The following FOXN4 variants were observed in gnomAD, a reference collection of about 807,000 sequenced individuals.
The protein encoded by FOXN4 is forkhead box N4.
In FOXN4, 12 loss-of-function variants were observed where a neutral mutation model predicts 45.0. That is an observed-to-expected ratio of 0.27 (90% confidence interval 0.17 to 0.43). The LOEUF is 0.43. FOXN4 is among the 20% of genes least tolerant of loss of function. The pLI is 1.00. For synonymous variants in FOXN4, 297 were observed against 295.0 expected, an observed-to-expected ratio of 1.01 and a Z score of -0.07; for missense variants, 560 against 694.9, an observed-to-expected ratio of 0.81 and a Z score of 2.18.
Position 109,281,651 on chromosome 12 carries a change from T to C in FOXN4, c.1050A>G (p.Pro350=). Residue 350 remains proline, a synonymous_variant, in exon 9 of 10, where the codon CCA becomes CCG. Transcript: ENST00000299162. The part of the protein sequence containing the change: ...CLAVSQLPPQ[P]LMTLSLQSVP... ...CTGACTGCAGGGACAGGGTCATCAG[T>C]GGCTGGGGTGGGAGCTGGGAGACAG... 6.2e-7 allele frequency: 1 copy of C among 1,610,524 alleles called. No individual in the cohort carries two copies. Among genetic ancestry groups the C allele is most frequent in the Non-Finnish European group, 8.5e-7 (1 of 1,178,658 alleles).
intron 2 of FOXN4, among the ~76,000 whole-genome samples, chr12:109,298,482 C>A (rs938747593): frequency 6.6e-6 from 1 of 152,010 alleles, no homozygotes; most frequent in Non-Finnish European, 1.5e-5. Flanking sequence ...CTGTCTCAGC[C>A]GCCTGAGTAG....
At position 109,290,232 on chromosome 12, in the gene FOXN4, CG is replaced by C; in HGVS notation, c.140del (p.Ser47CysfsTer67). The C allele has an allele frequency of 6.4e-7, 1 of 1,551,482 alleles. No homozygotes were observed. ...DDLPGDLQSL[S>X]WLTAVDVPRL... Reference sequence around the variant, plus strand: ...GAGGCACATCCACCGCCGTGAGCCACGACAGCGACTGCAGGTCCCCGGGAAG... The same window carrying C: ...GAGGCACATCCACCGCCGTGAGCCACACAGCGACTGCAGGTCCCCGGGAAG... On this transcript the variant is annotated frameshift_variant, in exon 3 of 10. Transcript: ENST00000299162. LOFTEE classifies it high-confidence loss of function. This position sits in a 1 kb window ranked among gnomAD's most constrained non-coding sequence, Gnocchi z 5.1.
chr12:109,279,472 T>C lies in FOXN4; in HGVS notation c.*199A>G, dbSNP rs1476056609. ...ACTTGGAAGAGCCCCCAGAAACTGCTCCGGAAGCTCCAGGGGGAGGCACGA... is the reference window on the plus strand; with the variant it reads ...ACTTGGAAGAGCCCCCAGAAACTGCCCCGGAAGCTCCAGGGGGAGGCACGA... On this transcript the variant is annotated 3_prime_UTR_variant, in exon 10 of 10. Transcript: ENST00000299162. 4 of 748,344 alleles carry C rather than the reference T, an allele frequency of 5.3e-6. No homozygotes were observed. In the Admixed American group the frequency reaches 8.7e-5, roughly 16 times the overall value. The allele number at this position is 748,344 out of a possible 1,614,324, so 46.4% of individuals were successfully genotyped here.
chr12:109,306,599 C>A (rs1015175924), intron 2 of FOXN4, among the ~76,000 whole-genome samples: 1 of 152,200 alleles, frequency 6.6e-6, no homozygotes, highest in African/African-American at 2.4e-5. Context: ...ATACATATAT[C>A]ATTTAACCCT....
intron 8 of FOXN4, 29 bp downstream of exon 8, chr12:109,285,275 G>A (rs576312456): frequency 2.0e-4 from 277 of 1,392,638 alleles, no homozygotes; most frequent in Non-Finnish European, 1.8e-4. Flanking sequence ...GTGTGTGTGT[G>A]CGCGCACTGC....
intron 2 of FOXN4, among the ~76,000 whole-genome samples, chr12:109,295,089 ATAATAG>A (rs2047804300): frequency 6.6e-6 from 1 of 152,126 alleles, no homozygotes; most frequent in Non-Finnish European, 1.5e-5. Context: ...GATAATAATA[ATAATAG>A]TAATAGCCGC....
chr12:109,309,200 GCCCCTC>G lies in FOXN4; in HGVS notation c.-91_-86del, dbSNP rs1200535255. 1 of 152,286 alleles carries G rather than the reference GCCCCTC, an allele frequency of 6.6e-6. No homozygotes were observed. The highest frequency in any genetic ancestry group is 6.5e-5 in the Admixed American group (1 of 15,290). The allele number at this position is 152,286 out of a possible 1,614,324, so 9.4% of individuals were successfully genotyped here. On this transcript the variant is annotated 5_prime_UTR_variant, in exon 1 of 10. Coordinates refer to ENST00000299162, the MANE Select transcript of FOXN4 (RefSeq NM_213596.3). The surrounding 1 kb of genome is among the most constrained non-coding windows in gnomAD (Gnocchi z 5.0). ...TCCGGAGGGGGGCTCCCTCGCGCTCGCCCCTCGCGTTCCGCAATTTGGCCGCCGTCG... is the reference window on the plus strand; with the variant it reads ...TCCGGAGGGGGGCTCCCTCGCGCTCGGCGTTCCGCAATTTGGCCGCCGTCG...
At position 109,287,506 on chromosome 12, in the gene FOXN4, A is replaced by G; in HGVS notation, c.487T>C (p.Tyr163His). The change falls in exon 6 of 10, where the codon TAT (tyrosine) becomes CAT (histidine). Residue 163 changes from tyrosine (Y) to histidine (H), a missense_variant. Physicochemically the swap from Tyr to His is moderately conservative, Grantham distance 83 (BLOSUM62 2). This residue lies in a region of FOXN4 where 61 missense variants were observed against 59.8 expected (regional missense o/e 1.02). Transcript: ENST00000299162. This position sits in a 1 kb window ranked among gnomAD's most constrained non-coding sequence, Gnocchi z 4.1. ...GAQQCPPVGL[Y>H]GPPFGVRPPY... ...GGCCGCACCCCAAATGGGGGGCCAT[A>G]GAGGCCCACAGGAGGGCACTTCCCA... 6.5e-7 allele frequency: 1 copy of G among 1,543,496 alleles called. No individual in the cohort carries two copies. The highest frequency in any genetic ancestry group is 8.7e-7 in the Non-Finnish European group (1 of 1,143,752).
intron 7 of FOXN4, among the ~76,000 whole-genome samples, chr12:109,286,077 T>C (rs919800788): frequency 5.3e-5 from 8 of 152,174 alleles, no homozygotes; most frequent in Non-Finnish European, 1.0e-4. Context: ...TCACACCACA[T>C]GTGTACATGT....
chr12:109,281,459 C>A lies in FOXN4; in HGVS notation c.1242G>T (p.Met414Ile). Reference sequence around the variant, plus strand: ...GGTCGAGGGCATCCACCTCAGTGTTCATGTCGGTGCTGATGTTGATGAAGT... The same window carrying A: ...GGTCGAGGGCATCCACCTCAGTGTTAATGTCGGTGCTGATGTTGATGAAGT... ...PVDFINISTD[M>I]NTEVDALDPS... The change falls in exon 9 of 10, where the codon ATG becomes ATT. Residue 414 changes from methionine (M) to isoleucine (I), a missense_variant. Coordinates refer to ENST00000299162, the MANE Select transcript of FOXN4 (RefSeq NM_213596.3). 1 of 1,614,022 alleles carries A rather than the reference C, an allele frequency of 6.2e-7. No homozygotes were observed. The highest frequency in any genetic ancestry group is 8.5e-7 in the Non-Finnish European group (1 of 1,179,892).
intron 2 of FOXN4, among the ~76,000 whole-genome samples, chr12:109,298,981 A>C (rs541794044): frequency 1.3e-5 from 2 of 152,250 alleles, no homozygotes; most frequent in South Asian, 4.1e-4. Flanking sequence ...ACAGTTCATC[A>C]ATAATTTATT....
rs1279318465 is a variant in FOXN4 at position 109,304,186 on chromosome 12, G to A, written c.86+4050C>T. On this transcript the variant is annotated intron_variant, in intron 2 of 9. Coordinates refer to ENST00000299162, the MANE Select transcript of FOXN4 (RefSeq NM_213596.3). ...AGCCTGGACGATAGAGCCAGACTCC[G>A]TCAAAAAAAAAAAAAAGAAAGAAAA... Among the ~76,000 whole-genome samples the A allele has an allele frequency of 5.9e-5, 6 of 102,354 alleles. 1 individual carries two copies. Among genetic ancestry groups the A allele is most frequent in the Admixed American group, 1.2e-4 (1 of 8,250 alleles). The allele number at this position is 102,354 out of a possible 152,430, so 67.1% of individuals were successfully genotyped here.
At position 109,288,354 on chromosome 12, in the gene FOXN4, T is replaced by G. The variant is rs148579337; in HGVS notation, c.233-174A>C. On this transcript the variant is annotated intron_variant, in intron 3 of 9. Transcript: ENST00000299162. This position sits in a 1 kb window ranked among gnomAD's most constrained non-coding sequence, Gnocchi z 4.3. The stretch of plus-strand genomic sequence containing the variant: ...TGGTGTGTAGTGAAAAGTAGGTTCT[T>G]ACCAGCTGTATAACCTTAGGTCAGC... 0.013 allele frequency among the ~76,000 whole-genome samples: 1,905 copies of G among 152,292 alleles called. 15 individuals are homozygous for G. Among genetic ancestry groups the G allele is most frequent in the Non-Finnish European group, 0.019 (1,276 of 68,012 alleles).
intron 7 of FOXN4, among the ~76,000 whole-genome samples, 162 bp downstream of exon 7, chr12:109,286,486 T>C (rs746728102): frequency 3.9e-5 from 6 of 152,182 alleles, no homozygotes; most frequent in Non-Finnish European, 8.8e-5. Context: ...CCTCTCTTTC[T>C]GACTTTCTTC....
intron 2 of FOXN4, among the ~76,000 whole-genome samples, chr12:109,304,212 GAAAAGAAAGAGAAAGAAA>G (rs1746131956): frequency 1.5e-5 from 1 of 64,922 alleles, no homozygotes; most frequent in South Asian, 4.6e-4. Flanking sequence ...AGAAAGAAAA[GAAAAGAAAGAGAAAGAAA>G]GAAAGAAAGA....
At position 109,286,774 on chromosome 12, in the gene FOXN4, C is replaced by A. The variant is rs142735722; in HGVS notation, c.597-30G>T. The A allele has an allele frequency of 3.0e-5, 48 of 1,579,846 alleles. No homozygotes were observed. The African/African-American group carries it at 5.2e-4, about 17-fold the overall frequency. The stretch of plus-strand genomic sequence containing the variant: ...GGGCAGGAGGTGGGGCAGGGCAGGG[C>A]AGGGCAGGACAGGGCAGGCCAGGCA... On this transcript the variant is annotated intron_variant, in intron 6 of 9. Coordinates refer to ENST00000299162, the MANE Select transcript of FOXN4 (RefSeq NM_213596.3).
intron 2 of FOXN4, among the ~76,000 whole-genome samples, chr12:109,298,787 A>G (rs1192234129): frequency 6.6e-6 from 1 of 151,878 alleles, no homozygotes; most frequent in Non-Finnish European, 1.5e-5. Context: ...CCAGACCTCA[A>G]TTTCCCCAAC....
At chr12:109,293,312 G>A (rs1222794367) in intron 2 of FOXN4, among the ~76,000 whole-genome samples, 5 of 152,056 alleles carry the variant, frequency 3.3e-5, no homozygotes, top group South Asian at 2.1e-4. Context: ...CAGCACCTCC[G>A]CTGGGAAGCC....
At chr12:109,293,465 C>G (rs1175850372) in intron 2 of FOXN4, among the ~76,000 whole-genome samples, 1 of 152,162 alleles carries the variant, frequency 6.6e-6, no homozygotes, top group Non-Finnish European at 1.5e-5. Context: ...GGCTCCAAAC[C>G]CCATATTGCC....
Sources: allele counts gnomAD v4.1 joint callset (sites outside exome capture counted in the v4.1 genomes callset), GRCh38; gene constraint gnomAD v4.1.1; regional missense constraint gnomAD v4.1.1; non-coding constraint Gnocchi (gnomAD v3.1); transcripts MANE v1.5; gene names NCBI Gene and HGNC (gene_info 2026-07-23, HGNC 2026-07-21).